MACROD2: variants seen among roughly 807,000 people sequenced by gnomAD.
MACROD2 encodes the protein ADP-ribose glycohydrolase MACROD2.
A neutral mutation model predicts 70.4 loss-of-function variants in MACROD2; 36 were observed. The ratio of observed to expected loss-of-function variants is 0.51; its 90% confidence interval spans 0.39 to 0.68. MACROD2 has a LOEUF of 0.68. Ranked by LOEUF, MACROD2 falls within the 30% of genes least tolerant of loss-of-function variation. The probability of loss-of-function intolerance (pLI) is 0.00; values close to 1 mark genes in which losing one functional copy is unlikely to be tolerated. For missense variants in MACROD2, 496 were observed against 538.4 expected (o/e 0.92, Z 0.78); for synonymous variants, 172 against 178.8 (o/e 0.96, Z 0.30).
At chr20:15,054,397 C>T (rs1157429597) in intron 5 of MACROD2, among the ~76,000 whole-genome samples, 3 of 152,128 alleles carry the variant, frequency 2.0e-5, no homozygotes, top group African/African-American at 4.8e-5. Flanking sequence ...CCACCCTGAT[C>T]AGTCAGCAGC....
intron 15 of MACROD2, among the ~76,000 whole-genome samples, chr20:16,018,575 C>A (rs1163727081): frequency 6.6e-6 from 1 of 152,182 alleles, no homozygotes; most frequent in African/African-American, 2.4e-5. Flanking sequence ...CCAAAATTAT[C>A]TTTAACCGGA....
intron 8 of MACROD2, among the ~76,000 whole-genome samples, chr20:15,557,329 TC>T (rs2048181476): frequency 6.6e-6 from 1 of 152,196 alleles, no homozygotes; most frequent in South Asian, 2.1e-4. Flanking sequence ...TTCTCTTCAT[TC>T]TTTGATTAGG....
chr20:14,838,807 A>G (rs565899799), intron 5 of MACROD2, among the ~76,000 whole-genome samples: 1 of 152,230 alleles, frequency 6.6e-6, no homozygotes, highest in East Asian at 1.9e-4. Context: ...TAGTCATATC[A>G]TATAAAGGGA....
chr20:14,094,346 C>CAA (rs2054193826), intron 3 of MACROD2, among the ~76,000 whole-genome samples: 1 of 152,150 alleles, frequency 6.6e-6, no homozygotes, highest in Non-Finnish European at 1.5e-5. Context: ...CAAATAGAAT[C>CAA]AAAGTGTATT....
intron 6 of MACROD2, among the ~76,000 whole-genome samples, chr20:15,423,302 T>C (rs2046254306): frequency 6.6e-6 from 1 of 152,226 alleles, no homozygotes; most frequent in South Asian, 2.1e-4. Context: ...TCTTATGGTA[T>C]AGTCTTCTCA....
At chr20:14,970,798 A>G (rs59148282) in intron 5 of MACROD2, among the ~76,000 whole-genome samples, 3,337 of 152,088 alleles carry the variant, frequency 0.022, 132 homozygotes, top group African/African-American at 0.075. Context: ...CGACAGGTGC[A>G]CACCAGTGAG....
At chr20:14,350,896 T>A (rs983716696) in intron 3 of MACROD2, among the ~76,000 whole-genome samples, 1 of 152,214 alleles carries the variant, frequency 6.6e-6, no homozygotes, top group Non-Finnish European at 1.5e-5. Flanking sequence ...CAGATTTCAA[T>A]CTTCAATCCA....
chr20:14,810,838 A>G (rs1304740503), intron 5 of MACROD2, among the ~76,000 whole-genome samples: 1 of 152,110 alleles, frequency 6.6e-6, no homozygotes, highest in Non-Finnish European at 1.5e-5. Flanking sequence ...CCCATTCACA[A>G]TTGCTACGAA....
chr20:15,898,285 C>T (rs926431280), intron 10 of MACROD2, among the ~76,000 whole-genome samples: 1 of 152,096 alleles, frequency 6.6e-6, no homozygotes, highest in African/African-American at 2.4e-5. Context: ...CCTGGAAGCT[C>T]ATGCCTATAA....
chr20:14,030,047 T>G lies in MACROD2; in HGVS notation c.163+27643T>G, dbSNP rs543783305. On this transcript the variant is annotated intron_variant, in intron 2 of 17. Coordinates refer to ENST00000684519, the MANE Select transcript of MACROD2 (RefSeq NM_001351661.2). Reference sequence around the variant, plus strand: ...CCTTGCAGATTTTACTTGCAAAGTATTGTAACCTGATTTTCCTTCAGGTCA... The same window carrying G: ...CCTTGCAGATTTTACTTGCAAAGTAGTGTAACCTGATTTTCCTTCAGGTCA... Among the ~76,000 whole-genome samples the G allele has an allele frequency of 6.6e-5, 10 of 152,336 alleles. No individual in the cohort carries two copies. In the East Asian group the frequency reaches 1.7e-3, roughly 26 times the overall value.
intron 3 of MACROD2, among the ~76,000 whole-genome samples, chr20:14,277,577 A>C (rs1202086854): frequency 1.3e-5 from 2 of 152,254 alleles, no homozygotes; most frequent in Non-Finnish European, 2.9e-5. Context: ...TTAACTAATG[A>C]AACATGGTGG....
chr20:15,602,468 A>G (rs1422559597), intron 8 of MACROD2, among the ~76,000 whole-genome samples: 2 of 152,194 alleles, frequency 1.3e-5, no homozygotes, highest in Non-Finnish European at 2.9e-5. Context: ...ATCTTTCTGC[A>G]TGCATATCTT....
At chr20:15,005,617 A>G (rs1204187920) in intron 5 of MACROD2, among the ~76,000 whole-genome samples, 2 of 152,086 alleles carry the variant, frequency 1.3e-5, no homozygotes, top group Admixed American at 6.6e-5. Flanking sequence ...TATCCCCCAC[A>G]AGGTAGTTCT....
chr20:14,322,626 C>CA (rs568616543), intron 3 of MACROD2, among the ~76,000 whole-genome samples: 20 of 152,152 alleles, frequency 1.3e-4, no homozygotes, highest in African/African-American at 4.6e-4. Context: ...AGCCAAAAGA[C>CA]AGAGTGTTGG....
intron 8 of MACROD2, among the ~76,000 whole-genome samples, chr20:15,854,053 A>G (rs2064329985): frequency 6.6e-6 from 1 of 152,146 alleles, no homozygotes; most frequent in African/African-American, 2.4e-5. Context: ...GATCGCCCCT[A>G]GGTGTGCACA....
At chr20:15,311,631 C>A (rs1347769535) in intron 6 of MACROD2, among the ~76,000 whole-genome samples, 1 of 152,156 alleles carries the variant, frequency 6.6e-6, no homozygotes, top group Admixed American at 6.5e-5. Flanking sequence ...ATGTCTCTTG[C>A]AGCAACATGG....
At chr20:15,999,667 A>G (rs2066682052) in intron 15 of MACROD2, among the ~76,000 whole-genome samples, 1 of 152,246 alleles carries the variant, frequency 6.6e-6, no homozygotes, top group Admixed American at 6.5e-5. Flanking sequence ...TTTGGTGGAT[A>G]AATACATACA....
In MACROD2 at chr20:15,757,212, A is replaced by G. The variant is rs76086295; in HGVS notation, c.646-105533A>G. Among the ~76,000 whole-genome samples, 20 of 152,336 alleles carry G rather than the reference A, an allele frequency of 1.3e-4. No individual in the cohort carries two copies. In the East Asian group the frequency reaches 3.9e-3, roughly 29 times the overall value. On this transcript the variant is annotated intron_variant, in intron 8 of 17. Coordinates refer to ENST00000684519, the MANE Select transcript of MACROD2 (RefSeq NM_001351661.2). Reference sequence around the variant, plus strand: ...TTCTCTTTGAAAATCTGTATGCTTCATGTCTTTGGAACTTCTGTAGTATGC... The same window carrying G: ...TTCTCTTTGAAAATCTGTATGCTTCGTGTCTTTGGAACTTCTGTAGTATGC...
chr20:14,672,658 C>G (rs752414694), intron 4 of MACROD2, among the ~76,000 whole-genome samples: 1 of 152,158 alleles, frequency 6.6e-6, no homozygotes, highest in Non-Finnish European at 1.5e-5. Context: ...CATAAGAACT[C>G]TACAAGGTTG....
Sources: allele counts gnomAD v4.1 joint callset (sites outside exome capture counted in the v4.1 genomes callset), GRCh38; gene constraint gnomAD v4.1.1; transcripts MANE v1.5; gene names NCBI Gene and HGNC (gene_info 2026-07-23, HGNC 2026-07-21).